Variants in ZFYVE9 observed in about 807,000 individuals in gnomAD.
The protein encoded by ZFYVE9 is zinc finger FYVE-type containing 9.
Under a neutral mutation model 126.7 loss-of-function variants are expected in ZFYVE9, and 43 were observed. The observed-to-expected ratio is 0.34, with a 90% CI of 0.27 to 0.44. The LOEUF (loss-of-function observed/expected upper bound fraction) is 0.44, where lower values mean the gene tolerates loss of function less well. Ranked by LOEUF, ZFYVE9 falls within the 20% of genes least tolerant of loss-of-function variation. ZFYVE9 has a pLI of 1.00. For missense variants in ZFYVE9, 1,476 were observed against 1,697.0 expected (o/e 0.87, Z 2.29); for synonymous variants, 521 against 597.4 (o/e 0.87, Z 1.87).
chr1:52,156,525 C>G (rs1202208420), intron 1 of ZFYVE9, among the ~76,000 whole-genome samples: 1 of 152,222 alleles, frequency 6.6e-6, no homozygotes, highest in Non-Finnish European at 1.5e-5. Context: ...CTTGGCCATT[C>G]TCTGTCTGAT....
chr1:52,144,894 A>C (rs181643405), intron 1 of ZFYVE9, among the ~76,000 whole-genome samples: 174 of 152,342 alleles, frequency 1.1e-3, no homozygotes, highest in Non-Finnish European at 1.9e-3. Context: ...TAGGATAAAT[A>C]AATCTGAAAA....
intron 1 of ZFYVE9, among the ~76,000 whole-genome samples, chr1:52,214,635 T>A (rs774516817): frequency 1.4e-4 from 22 of 151,992 alleles, no homozygotes; most frequent in Non-Finnish European, 3.1e-4. Flanking sequence ...GTATTAGGGT[T>A]CTGTAAAGAA....
intron 2 of ZFYVE9, among the ~76,000 whole-genome samples, chr1:52,223,617 A>T (rs190815550): frequency 3.9e-5 from 6 of 152,284 alleles, no homozygotes; most frequent in African/African-American, 1.4e-4. Context: ...CTAAACCTGC[A>T]TATTTTCTTA....
intron 2 of ZFYVE9, among the ~76,000 whole-genome samples, chr1:52,230,265 A>G (rs1645206349): frequency 6.6e-6 from 1 of 152,108 alleles, no homozygotes; most frequent in Admixed American, 6.5e-5. Context: ...CATCTCACAG[A>G]TTGAATCCCA....
chr1:52,196,335 TC>T (rs1644859820), intron 1 of ZFYVE9, among the ~76,000 whole-genome samples: 2 of 151,984 alleles, frequency 1.3e-5, no homozygotes, highest in African/African-American at 4.8e-5. Context: ...AGTGTGAAGA[TC>T]AACACATTAT....
chr1:52,254,415 G>A (rs941987218), intron 4 of ZFYVE9, among the ~76,000 whole-genome samples: 99 of 150,394 alleles, frequency 6.6e-4, no homozygotes, highest in Non-Finnish European at 1.2e-3. Context: ...GTGGCTGGGC[G>A]TGGTGGCTCA....
intron 13 of ZFYVE9, among the ~76,000 whole-genome samples, chr1:52,316,177 A>AAG (rs1418409542): frequency 3.4e-5 from 5 of 148,700 alleles, no homozygotes; most frequent in Admixed American, 6.7e-5. Context: ...AAAAAAAAAA[A>AAG]AAAAAAAAAA....
Position 52,303,818 on chromosome 1 carries a change from C to A in ZFYVE9, c.3334-3C>A. On this transcript the variant is annotated splice_polypyrimidine_tract_variant and splice_region_variant and intron_variant, in intron 12 of 18. Coordinates refer to ENST00000287727, the MANE Select transcript of ZFYVE9 (RefSeq NM_004799.4). ...TATTCTGCTTCAATCTGCTTTGGCC[C>A]AGGACTTCAGAAATTACCAGTATAC... The A allele has an allele frequency of 6.4e-7, 1 of 1,561,000 alleles. No homozygotes were observed. The highest frequency in any genetic ancestry group is 1.2e-5 in the South Asian group (1 of 80,680).
chr1:52,142,448 G>T lies in ZFYVE9; in HGVS notation c.-143+45G>T, dbSNP rs1221225782. On this transcript the variant is annotated intron_variant, in intron 1 of 18. Transcript: ENST00000287727. The surrounding 1 kb of genome is among the most constrained non-coding windows in gnomAD (Gnocchi z 4.5). ...GTCCGGGGCTCGCCGGCCTCCCGCC[G>T]CCTGTGGGGGCCCTGGCGGCAGACC... is the stretch of plus-strand genomic sequence containing the variant. 1 of 152,030 alleles carries T rather than the reference G, an allele frequency of 6.6e-6. No homozygotes were observed. The highest frequency in any genetic ancestry group is 2.4e-5 in the African/African-American group (1 of 41,434). The allele number at this position is 152,030 out of a possible 1,614,324, so 9.4% of individuals were successfully genotyped here. A position where few individuals can be genotyped will look rare whatever the true frequency, so the allele number is the denominator to read the frequency against.
intron 4 of ZFYVE9, among the ~76,000 whole-genome samples, chr1:52,249,633 A>G (rs1258996427): frequency 6.6e-6 from 1 of 152,008 alleles, no homozygotes; most frequent in African/African-American, 2.4e-5. Flanking sequence ...ATTTTGATGA[A>G]CTCCAACTTA....
At chr1:52,147,222 C>T (rs1348697590) in intron 1 of ZFYVE9, among the ~76,000 whole-genome samples, 1 of 152,114 alleles carries the variant, frequency 6.6e-6, no homozygotes, top group Admixed American at 6.6e-5. Flanking sequence ...TTCTATTTTA[C>T]AAATTAATTA....
intron 11 of ZFYVE9, among the ~76,000 whole-genome samples, chr1:52,294,457 A>G (rs1220375994): frequency 2.0e-5 from 3 of 152,248 alleles, no homozygotes; most frequent in Non-Finnish European, 4.4e-5. Flanking sequence ...TCATTCTTCC[A>G]CCAATTATTT....
intron 1 of ZFYVE9, among the ~76,000 whole-genome samples, chr1:52,148,878 ATC>A (rs1644328571): frequency 6.9e-6 from 1 of 144,828 alleles, no homozygotes; most frequent in Non-Finnish European, 1.5e-5. Context: ...ACCTCAAGTG[ATC>A]TGCCTGCCTT....
intron 3 of ZFYVE9, among the ~76,000 whole-genome samples, chr1:52,235,658 A>G (rs758327955): frequency 1.4e-4 from 21 of 151,922 alleles, no homozygotes; most frequent in Non-Finnish European, 2.7e-4. Context: ...TCTTTTCTCA[A>G]CCCAAACTGA....
intron 2 of ZFYVE9, among the ~76,000 whole-genome samples, chr1:52,227,234 C>T (rs911164082): frequency 5.9e-5 from 9 of 152,262 alleles, no homozygotes; most frequent in Non-Finnish European, 1.0e-4. Flanking sequence ...GCAGCAATGC[C>T]TTCTTCACCA....
chr1:52,219,970 GT>G (rs1645109165), intron 2 of ZFYVE9, among the ~76,000 whole-genome samples: 1 of 152,094 alleles, frequency 6.6e-6, no homozygotes, highest in African/African-American at 2.4e-5. Flanking sequence ...TAGAGACGGG[GT>G]TTCACCATAT....
At chr1:52,202,565 G>A (rs919694111) in intron 1 of ZFYVE9, among the ~76,000 whole-genome samples, 1 of 151,914 alleles carries the variant, frequency 6.6e-6, no homozygotes, top group African/African-American at 2.4e-5. Context: ...ACAGGCATGA[G>A]CCACTGTGCC....
At chr1:52,256,645 A>G (rs1370342739) in intron 4 of ZFYVE9, among the ~76,000 whole-genome samples, 1 of 150,802 alleles carries the variant, frequency 6.6e-6, no homozygotes, top group Non-Finnish European at 1.5e-5. Flanking sequence ...GATCTCTTTT[A>G]ACCCTTTCTG....
intron 4 of ZFYVE9, among the ~76,000 whole-genome samples, chr1:52,251,073 TTTTG>T (rs370761757): frequency 2.7e-5 from 4 of 147,812 alleles, no homozygotes; most frequent in African/African-American, 1.1e-4. Flanking sequence ...TTTGTTTGTT[TTTTG>T]TTTTTCTTTT....
Sources: gnomAD v4.1 joint callset for allele counts (sites outside exome capture counted in the v4.1 genomes callset) on GRCh38, gnomAD v4.1.1 for gene constraint, Gnocchi (gnomAD v3.1) non-coding constraint, MANE v1.5 for transcripts, NCBI Gene and HGNC (gene_info 2026-07-23, HGNC 2026-07-21) for gene names.